Variants in GRM8 observed in about 807,000 individuals in gnomAD.
GRM8 encodes the protein metabotropic glutamate receptor 8.
A neutral mutation model predicts 87.2 loss-of-function variants in GRM8; 47 were observed. That is an observed-to-expected ratio of 0.54 (90% CI 0.43 to 0.69). The LOEUF (loss-of-function observed/expected upper bound fraction) is 0.69, where lower values mean the gene tolerates loss of function less well. Among genes scored for constraint, GRM8 ranks in the 30% least tolerant of loss-of-function variants. The pLI is 0.00. For synonymous variants in GRM8, 396 were observed against 404.5 expected, an observed-to-expected ratio of 0.98 and a Z score of 0.25; for missense variants, 1,019 against 1,139.2, an observed-to-expected ratio of 0.89 and a Z score of 1.52.
At chr7:127,056,470 A>T (rs961973641) in intron 3 of GRM8, among the ~76,000 whole-genome samples, 7 of 152,206 alleles carry the variant, frequency 4.6e-5, no homozygotes, top group Non-Finnish European at 1.0e-4. Flanking sequence ...AGGTACACTT[A>T]GCTAATGATC....
At chr7:126,917,406 C>T (rs546312191) in intron 3 of GRM8, among the ~76,000 whole-genome samples, 108 of 152,016 alleles carry the variant, frequency 7.1e-4, no homozygotes, top group Middle Eastern at 3.4e-3. Context: ...CACATGGACA[C>T]GCACACACAC....
In GRM8 at chr7:126,783,161, G is replaced by T. The variant is rs117638716; in HGVS notation, c.1157-13096C>A. ...CAGTCATCATTTTTATTTACAGCTT[G>T]TTTCCAGGTATTATTTTCTCCCCCA... On this transcript the variant is annotated intron_variant, in intron 6 of 10. Transcript: ENST00000339582. 2.8e-4 allele frequency among the ~76,000 whole-genome samples: 42 copies of T among 152,226 alleles called. 1 individual carries two copies. In the East Asian group the frequency reaches 7.7e-3, roughly 28 times the overall value.
intron 3 of GRM8, among the ~76,000 whole-genome samples, chr7:126,951,503 C>G (rs1344770581): frequency 6.6e-6 from 1 of 151,994 alleles, no homozygotes; most frequent in Non-Finnish European, 1.5e-5. Context: ...AAGCCTGTTA[C>G]AAATGAGTTA....
chr7:127,110,796 C>T (rs1013105030), intron 2 of GRM8, among the ~76,000 whole-genome samples: 2 of 152,180 alleles, frequency 1.3e-5, no homozygotes, highest in African/African-American at 4.8e-5. Flanking sequence ...CGTTCCTTTA[C>T]TGACTTTCCC....
At chr7:126,621,487 C>T (rs555434992) in intron 7 of GRM8, among the ~76,000 whole-genome samples, 5 of 152,222 alleles carry the variant, frequency 3.3e-5, no homozygotes, top group East Asian at 1.9e-4. Flanking sequence ...GGCTCCATCT[C>T]GGCTCACTGC....
chr7:126,699,666 A>AT (rs1330335699), intron 7 of GRM8, among the ~76,000 whole-genome samples: 1 of 151,902 alleles, frequency 6.6e-6, no homozygotes, highest in Non-Finnish European at 1.5e-5. Flanking sequence ...AATGGGAAGT[A>AT]TTTTTTTGCA....
intron 3 of GRM8, among the ~76,000 whole-genome samples, chr7:127,062,208 A>T: frequency 6.6e-6 from 1 of 152,074 alleles, no homozygotes; most frequent in South Asian, 2.1e-4. Flanking sequence ...GGTAATTCAG[A>T]CAAAGAGATC....
At chr7:127,106,045 T>C (rs1032761074) in intron 3 of GRM8, among the ~76,000 whole-genome samples, 1 of 152,258 alleles carries the variant, frequency 6.6e-6, no homozygotes, top group African/African-American at 2.4e-5. Flanking sequence ...TGCTTAAGTA[T>C]AGCCTTGAGG....
intron 9 of GRM8, among the ~76,000 whole-genome samples, chr7:126,497,598 C>T (rs1381446473): frequency 6.6e-6 from 1 of 151,896 alleles, no homozygotes; most frequent in East Asian, 1.9e-4. Flanking sequence ...TGTCCTTGCC[C>T]CATTTCTGTC....
intron 8 of GRM8, among the ~76,000 whole-genome samples, chr7:126,555,355 G>A (rs1308778415): frequency 6.6e-6 from 1 of 152,186 alleles, no homozygotes; most frequent in African/African-American, 2.4e-5. Context: ...CATAGCCTGG[G>A]CTAAGGGGTA....
intron 3 of GRM8, among the ~76,000 whole-genome samples, chr7:126,909,122 C>G (rs1430518826): frequency 6.6e-6 from 1 of 152,152 alleles, no homozygotes; most frequent in Non-Finnish European, 1.5e-5. Flanking sequence ...AATATGTACA[C>G]ATAAGAAATG....
chr7:127,129,730 G>GTCACAGTAGAGATTCT (rs1827572804), intron 2 of GRM8, among the ~76,000 whole-genome samples: 1 of 152,154 alleles, frequency 6.6e-6, no homozygotes, highest in Non-Finnish European at 1.5e-5. Flanking sequence ...TTCAGCCAAA[G>GTCACAGTAGAGATTCT]TCACAGTAGA....
At chr7:127,013,560 G>A (rs868722094) in intron 3 of GRM8, among the ~76,000 whole-genome samples, 60 of 151,902 alleles carry the variant, frequency 3.9e-4, no homozygotes, top group Middle Eastern at 3.4e-3. Flanking sequence ...CAGTGGGCAG[G>A]GATGAAGAGT....
intron 7 of GRM8, among the ~76,000 whole-genome samples, chr7:126,647,328 TAG>T (rs1281450610): frequency 9.5e-5 from 6 of 63,114 alleles, no homozygotes; most frequent in Non-Finnish European, 1.7e-4. Context: ...GATAGATAGA[TAG>T]ATAGATAGAT....
chr7:127,101,748 A>T (rs904891997), intron 3 of GRM8, among the ~76,000 whole-genome samples: 1 of 152,170 alleles, frequency 6.6e-6, no homozygotes, highest in African/African-American at 2.4e-5. Flanking sequence ...ACAGCCTAAC[A>T]CAGAAGATTG....
intron 8 of GRM8, among the ~76,000 whole-genome samples, chr7:126,606,256 C>T (rs1360276498): frequency 2.0e-5 from 3 of 152,104 alleles, no homozygotes; most frequent in African/African-American, 7.2e-5. Context: ...CTAATGGGAC[C>T]TTCGCTTTGC....
intron 6 of GRM8, among the ~76,000 whole-genome samples, chr7:126,833,577 C>T (rs1795583283): frequency 6.6e-6 from 1 of 152,178 alleles, no homozygotes; most frequent in African/African-American, 2.4e-5. Flanking sequence ...TGGCTGCCTT[C>T]TTGCTTTATC....
chr7:126,797,564 A>G (rs1374630976), intron 6 of GRM8, among the ~76,000 whole-genome samples: 1 of 152,086 alleles, frequency 6.6e-6, no homozygotes, highest in Non-Finnish European at 1.5e-5. Flanking sequence ...CAAATTTATC[A>G]ATAACTCTCA....
chr7:126,675,821 G>A (rs572592124), intron 7 of GRM8, among the ~76,000 whole-genome samples: 53 of 152,272 alleles, frequency 3.5e-4, no homozygotes, highest in African/African-American at 1.0e-3. Flanking sequence ...TCACCCCTAA[G>A]AACTGGAACA....
Sources: gnomAD v4.1 joint callset for allele counts (sites outside exome capture counted in the v4.1 genomes callset) on GRCh38, gnomAD v4.1.1 for gene constraint, MANE v1.5 for transcripts, NCBI Gene and HGNC (gene_info 2026-07-23, HGNC 2026-07-21) for gene names.